Variants in DPF3 observed in about 807,000 individuals in gnomAD.
DPF3 encodes double PHD fingers 3, also known as zinc finger protein DPF3.
A neutral mutation model predicts 56.8 loss-of-function variants in DPF3; 18 were observed. That is an observed-to-expected ratio of 0.32 (90% CI 0.22 to 0.47). The LOEUF (loss-of-function observed/expected upper bound fraction) is 0.47. Ranked by LOEUF, DPF3 falls within the 20% of genes least tolerant of loss-of-function variation. The pLI, the probability that DPF3 is intolerant of heterozygous loss-of-function variation, is 1.00. For synonymous variants in DPF3, 188 were observed against 180.2 expected, an observed-to-expected ratio of 1.04 and a Z score of -0.35; for missense variants, 403 against 488.8, an observed-to-expected ratio of 0.82 and a Z score of 1.65.
intron 9 of DPF3, among the ~76,000 whole-genome samples, chr14:72,623,310 A>G (rs1050275654): frequency 2.0e-5 from 3 of 152,242 alleles, no homozygotes; most frequent in Admixed American, 2.0e-4. Context: ...AAATAGCAAT[A>G]TGTCCCTAAA....
At chr14:72,777,735 A>ACT (rs552411392) in intron 1 of DPF3, among the ~76,000 whole-genome samples, 2 of 150,354 alleles carry the variant, frequency 1.3e-5, no homozygotes, top group African/African-American at 4.9e-5. Context: ...CTCCCTGCTG[A>ACT]CTCTCTCTCT....
At chr14:72,791,016 C>G (rs559204440) in intron 1 of DPF3, among the ~76,000 whole-genome samples, 2 of 152,232 alleles carry the variant, frequency 1.3e-5, no homozygotes, top group South Asian at 4.1e-4. Flanking sequence ...AGGGGATTTC[C>G]TCTCCCCGCC....
intron 1 of DPF3, among the ~76,000 whole-genome samples, chr14:72,835,052 G>A (rs1418387548): frequency 2.6e-5 from 4 of 151,666 alleles, no homozygotes; most frequent in African/African-American, 9.7e-5. Flanking sequence ...GAGGGGACAG[G>A]GGAGTGGGGA....
At chr14:72,810,175 C>T (rs1043195316) in intron 1 of DPF3, among the ~76,000 whole-genome samples, 2 of 152,190 alleles carry the variant, frequency 1.3e-5, no homozygotes, top group African/African-American at 2.4e-5. Context: ...CAGAGGGCAG[C>T]GGAGTGCTGA....
intron 8 of DPF3, among the ~76,000 whole-genome samples, chr14:72,634,311 T>A (rs1406269521): frequency 6.6e-6 from 1 of 152,048 alleles, no homozygotes; most frequent in Admixed American, 6.6e-5. Flanking sequence ...TGCGCCTTTC[T>A]CCAAAAACTG....
chr14:72,799,950 G>C (rs529528269), intron 1 of DPF3, among the ~76,000 whole-genome samples: 1 of 152,294 alleles, frequency 6.6e-6, no homozygotes, highest in South Asian at 2.1e-4. Flanking sequence ...CGAGTCACGA[G>C]TGAAGAAGAT....
chr14:72,623,379 C>A (rs1264670878), intron 9 of DPF3, among the ~76,000 whole-genome samples: 1 of 151,990 alleles, frequency 6.6e-6, no homozygotes, highest in Non-Finnish European at 1.5e-5. Flanking sequence ...GGTAGCATAA[C>A]CACACAGAGA....
intron 6 of DPF3, 146 bp from the exon 7 acceptor site, chr14:72,693,359 T>G: frequency 1.0e-6 from 1 of 953,322 alleles, no homozygotes; most frequent in Non-Finnish European, 1.5e-6. Flanking sequence ...AACATCCCTT[T>G]CCCCCACCCA....
At chr14:72,737,182 A>C (rs1889924759) in intron 3 of DPF3, among the ~76,000 whole-genome samples, 1 of 151,282 alleles carries the variant, frequency 6.6e-6, no homozygotes, top group Admixed American at 6.6e-5. Flanking sequence ...AAAAAGCACA[A>C]ATAAAAGCAA....
At chr14:72,876,301 A>G (rs1000132174) in intron 1 of DPF3, among the ~76,000 whole-genome samples, 1 of 152,260 alleles carries the variant, frequency 6.6e-6, no homozygotes, top group South Asian at 2.1e-4. Flanking sequence ...CAAAATGCAT[A>G]ACAAATGAAA....
chr14:72,875,065 C>A (rs1054812403), intron 1 of DPF3, among the ~76,000 whole-genome samples: 1 of 152,166 alleles, frequency 6.6e-6, no homozygotes, highest in African/African-American at 2.4e-5. Context: ...AAAGCTGAAA[C>A]CCCTGATAAA....
intron 1 of DPF3, among the ~76,000 whole-genome samples, chr14:72,817,768 G>A (rs1883352936): frequency 6.6e-6 from 1 of 152,130 alleles, no homozygotes; most frequent in Admixed American, 6.5e-5. Context: ...AATGGGGCTG[G>A]AATTTCTAGG....
rs1262385307 is a variant in DPF3, at chr14:72,616,758, T to C, written c.*2539A>G. On this transcript the variant is annotated 3_prime_UTR_variant, in exon 11 of 11. Transcript: ENST00000556509. Reference sequence around the variant, plus strand: ...ATCCTTCACATGCATCCTATGATTCTATCTCATTCTCTGGGGTTCAAAAAA... The same window carrying C: ...ATCCTTCACATGCATCCTATGATTCCATCTCATTCTCTGGGGTTCAAAAAA... Among the ~76,000 whole-genome samples, 1 of 152,216 alleles carries C rather than the reference T, an allele frequency of 6.6e-6. No individual in the cohort carries two copies. The highest frequency in any genetic ancestry group is 1.5e-5 in the Non-Finnish European group (1 of 68,046).
At chr14:72,687,479 C>T (rs1887462890) in intron 7 of DPF3, among the ~76,000 whole-genome samples, 1 of 152,124 alleles carries the variant, frequency 6.6e-6, no homozygotes, top group South Asian at 2.1e-4. Flanking sequence ...TCTGGCTTCC[C>T]ACTGTCTATA....
rs142426860 is a variant in DPF3, at chr14:72,660,182, C to T, written c.871+14058G>A. Among the ~76,000 whole-genome samples, 1,119 of 151,480 alleles carry T rather than the reference C, an allele frequency of 7.4e-3. 24 individuals are homozygous for T. The highest frequency in any genetic ancestry group is 0.026 in the African/African-American group (1,080 of 41,256). ...ATGACACAGAACTATATCTTAAAAG[C>T]GGTTAGAAAGGCAAATTTTATGTAA... On this transcript the variant is annotated intron_variant, in intron 8 of 10. Transcript: ENST00000556509.
At chr14:72,697,342 GT>G (rs1240593163) in intron 6 of DPF3, among the ~76,000 whole-genome samples, 1 of 152,170 alleles carries the variant, frequency 6.6e-6, no homozygotes, top group East Asian at 1.9e-4. Flanking sequence ...CCAGGGGGAG[GT>G]GGGTTGGATA....
At chr14:72,811,085 A>G (rs538430367) in intron 1 of DPF3, among the ~76,000 whole-genome samples, 1 of 152,192 alleles carries the variant, frequency 6.6e-6, no homozygotes, top group Non-Finnish European at 1.5e-5. Context: ...AGCAAGACCA[A>G]GGCAGCAAGG....
At chr14:72,714,798 C>A (rs747033742) in intron 5 of DPF3, among the ~76,000 whole-genome samples, 7 of 151,768 alleles carry the variant, frequency 4.6e-5, no homozygotes, top group Admixed American at 1.3e-4. Flanking sequence ...GTAGCTTGCC[C>A]AAGGTCGTTC....
chr14:72,632,552 A>T (rs886322950), intron 8 of DPF3, among the ~76,000 whole-genome samples: 1 of 150,842 alleles, frequency 6.6e-6, no homozygotes, highest in Non-Finnish European at 1.5e-5. Context: ...ATCAAAAAGA[A>T]AGGAAGGTGG....
Sources: allele counts gnomAD v4.1 joint callset (sites outside exome capture counted in the v4.1 genomes callset), GRCh38; gene constraint gnomAD v4.1.1; transcripts MANE v1.5; gene names NCBI Gene and HGNC (gene_info 2026-07-23, HGNC 2026-07-21).